Variants in EMP2 observed in about 807,000 individuals in gnomAD.
EMP2 encodes epithelial membrane protein 2.
Under a neutral mutation model 13.7 loss-of-function variants are expected in EMP2, and 19 were observed. The ratio of observed to expected loss-of-function variants is 1.38; its 90% CI spans 0.97 to 2.03. The LOEUF is 2.03. Among genes scored for constraint, EMP2 ranks in the 30% most tolerant of loss-of-function variants. EMP2 has a pLI of 0.00. For missense variants in EMP2, 253 were observed against 220.7 expected, an observed-to-expected ratio of 1.15 and a Z score of -0.93; for synonymous variants, 97 against 84.7, an observed-to-expected ratio of 1.15 and a Z score of -0.80.
intron 1 of EMP2, among the ~76,000 whole-genome samples, chr16:10,556,147 A>C (rs955416672): frequency 6.6e-6 from 1 of 152,178 alleles, no homozygotes; most frequent in Non-Finnish European, 1.5e-5. Flanking sequence ...ATAGTGTACT[A>C]TGATTGCACT....
chr16:10,550,000 C>T lies in EMP2; in HGVS notation c.-60-2323G>A, dbSNP rs1165433361. 2.6e-5 allele frequency among the ~76,000 whole-genome samples: 4 copies of T among 150,986 alleles called. No individual in the cohort carries two copies. In the East Asian group the frequency reaches 5.8e-4, roughly 22 times the overall value. ...TCCCAGGTTCAAGTGATTCTCCTGCCTCAGCCTCCTGAGTAGCTGGGACTA... is the reference window on the plus strand; with the variant it reads ...TCCCAGGTTCAAGTGATTCTCCTGCTTCAGCCTCCTGAGTAGCTGGGACTA... On this transcript the variant is annotated intron_variant, in intron 1 of 4. Transcript: ENST00000359543.
chr16:10,533,732 T>C (rs1413168739), intron 4 of EMP2, among the ~76,000 whole-genome samples: 1 of 152,190 alleles, frequency 6.6e-6, no homozygotes, highest in Non-Finnish European at 1.5e-5. Context: ...CCAACCTTCT[T>C]CTTGGCAATC....
chr16:10,544,005 G>A (rs1355397606), intron 2 of EMP2, among the ~76,000 whole-genome samples: 4 of 151,856 alleles, frequency 2.6e-5, no homozygotes, highest in Non-Finnish European at 5.9e-5. Context: ...GACTACAGGT[G>A]CACATCACCA....
chr16:10,563,254 C>T (rs1211696189), intron 1 of EMP2, among the ~76,000 whole-genome samples: 10 of 152,090 alleles, frequency 6.6e-5, no homozygotes, highest in South Asian at 4.1e-4. Flanking sequence ...TGCAGTGGCA[C>T]GATCTCAGCT....
intron 1 of EMP2, among the ~76,000 whole-genome samples, chr16:10,553,595 G>A (rs1408029169): frequency 1.3e-5 from 2 of 151,984 alleles, no homozygotes; most frequent in African/African-American, 4.8e-5. Flanking sequence ...GGGAGCTCCA[G>A]CAAGCTCCTT....
chr16:10,535,885 T>G (rs2050643320), intron 4 of EMP2, among the ~76,000 whole-genome samples: 1 of 152,152 alleles, frequency 6.6e-6, no homozygotes, highest in Non-Finnish European at 1.5e-5. Flanking sequence ...AGGCCTCATT[T>G]GTTCTGGCTT....
intron 1 of EMP2, among the ~76,000 whole-genome samples, chr16:10,549,877 CTTTTTCTTTTTTTTT>C (rs2050771759): frequency 7.3e-6 from 1 of 137,236 alleles, no homozygotes; most frequent in African/African-American, 2.8e-5. Flanking sequence ...CTTTTTTTTT[CTTTTTCTTTTTTTTT>C]TTTTTTTTTT....
chr16:10,539,072 A>G (rs951695370), intron 3 of EMP2, among the ~76,000 whole-genome samples: 1 of 152,114 alleles, frequency 6.6e-6, no homozygotes, highest in Non-Finnish European at 1.5e-5. Flanking sequence ...TCATCGGGCT[A>G]GGAAGGTAGA....
intron 4 of EMP2, among the ~76,000 whole-genome samples, chr16:10,534,536 C>T (rs536880658): frequency 6.6e-6 from 1 of 152,166 alleles, no homozygotes; most frequent in South Asian, 2.1e-4. Context: ...GAGGTTGAAG[C>T]GGGCAGATCA....
intron 1 of EMP2, among the ~76,000 whole-genome samples, chr16:10,577,023 A>T (rs2050988628): frequency 6.6e-6 from 1 of 152,156 alleles, no homozygotes; most frequent in African/African-American, 2.4e-5. Context: ...TGGACAGATG[A>T]CACGTGCTAT....
At position 10,531,343 on chromosome 16, in the gene EMP2, CT is replaced by C; in HGVS notation, c.*1561del. ...GTAATTAGTTTCTTTTCTTTTTTTT[CT>C]TTTTTTGAGATGGAGTCTCACTCTG... On this transcript the variant is annotated 3_prime_UTR_variant, in exon 5 of 5. Coordinates refer to ENST00000359543, the MANE Select transcript of EMP2 (RefSeq NM_001424.6). 1 of 150,828 alleles carries C rather than the reference CT, an allele frequency of 6.6e-6. No individual in the cohort carries two copies. Among genetic ancestry groups the C allele is most frequent in the Non-Finnish European group, 1.5e-5 (1 of 68,364 alleles). The allele number at this position is 150,828 out of a possible 1,614,324, so 9.3% of individuals were successfully genotyped here.
intron 1 of EMP2, among the ~76,000 whole-genome samples, chr16:10,568,558 A>G (rs2050925161): frequency 6.6e-6 from 1 of 152,084 alleles, no homozygotes; most frequent in South Asian, 2.1e-4. Context: ...GTGATTGAAG[A>G]AAAGTCGTTG....
chr16:10,577,150 C>G (rs1403947159), intron 1 of EMP2, among the ~76,000 whole-genome samples: 1 of 152,208 alleles, frequency 6.6e-6, no homozygotes, highest in South Asian at 2.1e-4. Flanking sequence ...GCAAGTCACT[C>G]CACCTCTCTG....
At chr16:10,568,034 C>G (rs1393398894) in intron 1 of EMP2, among the ~76,000 whole-genome samples, 1 of 152,164 alleles carries the variant, frequency 6.6e-6, no homozygotes, top group African/African-American at 2.4e-5. Flanking sequence ...AAGCCCAGAG[C>G]TATAGAATAA....
At chr16:10,539,319 G>A (rs2050676253) in intron 3 of EMP2, among the ~76,000 whole-genome samples, 1 of 152,182 alleles carries the variant, frequency 6.6e-6, no homozygotes, top group Admixed American at 6.5e-5. Flanking sequence ...TAATTGGTAA[G>A]TACTTAATGA....
chr16:10,536,996 G>A (rs1186791283), intron 4 of EMP2, among the ~76,000 whole-genome samples: 2 of 152,154 alleles, frequency 1.3e-5, no homozygotes, highest in African/African-American at 4.8e-5. Context: ...GTCATCCTGA[G>A]GGCATGGCAG....
intron 1 of EMP2, among the ~76,000 whole-genome samples, chr16:10,568,912 G>C (rs2050928304): frequency 6.8e-6 from 1 of 147,776 alleles, no homozygotes. Context: ...TCAGCCTCCT[G>C]AGTAGCTGGG....
chr16:10,565,517 C>T (rs1486019490), intron 1 of EMP2, among the ~76,000 whole-genome samples: 1 of 152,186 alleles, frequency 6.6e-6, no homozygotes, highest in Non-Finnish European at 1.5e-5. Context: ...TTGAACTTGC[C>T]AGCCTCCATA....
At chr16:10,564,850 C>T (rs1297291119) in intron 1 of EMP2, among the ~76,000 whole-genome samples, 2 of 152,122 alleles carry the variant, frequency 1.3e-5, no homozygotes, top group Non-Finnish European at 2.9e-5. Context: ...CGACATTTCC[C>T]CAAATCTGCC....
Sources: gnomAD v4.1 joint callset for allele counts (sites outside exome capture counted in the v4.1 genomes callset) on GRCh38, gnomAD v4.1.1 for gene constraint, MANE v1.5 for transcripts, NCBI Gene and HGNC (gene_info 2026-07-23, HGNC 2026-07-21) for gene names.